The following GRIK2 variants were observed in gnomAD, a reference collection of about 807,000 sequenced individuals.
The protein encoded by GRIK2 is glutamate receptor ionotropic, kainate 2.
A neutral mutation model predicts 100.3 loss-of-function variants in GRIK2; 32 were observed. The ratio of observed to expected loss-of-function variants is 0.32; its 90% confidence interval spans 0.24 to 0.43. The LOEUF (loss-of-function observed/expected upper bound fraction) is 0.43, where lower values mean the gene tolerates loss of function less well. Among genes scored for constraint, GRIK2 ranks in the 20% least tolerant of loss-of-function variants. The pLI is 1.00. For synonymous variants in GRIK2, 417 were observed against 389.4 expected (o/e 1.07, Z -0.83); for missense variants, 843 against 1,114.9 (o/e 0.76, Z 3.47).
At chr6:101,696,687 T>A (rs1772509315) in intron 7 of GRIK2, among the ~76,000 whole-genome samples, 1 of 151,832 alleles carries the variant, frequency 6.6e-6, no homozygotes. Context: ...CCTTATTAAC[T>A]CAAGACATCA....
chr6:101,957,715 G>A (rs571000070), intron 14 of GRIK2, among the ~76,000 whole-genome samples: 2 of 152,120 alleles, frequency 1.3e-5, no homozygotes, highest in East Asian at 3.9e-4. Flanking sequence ...TATGGTGAGA[G>A]ATATGGATCT....
chr6:101,452,959 A>C (rs1770792485), intron 2 of GRIK2, among the ~76,000 whole-genome samples: 1 of 151,830 alleles, frequency 6.6e-6, no homozygotes, highest in African/African-American at 2.4e-5. Flanking sequence ...TTTTTCAGTA[A>C]CTTTGCATCT....
intron 14 of GRIK2, 147 bp downstream of exon 14, chr6:101,928,779 C>A (rs1188717090): frequency 4.9e-6 from 3 of 608,546 alleles, no homozygotes; most frequent in Non-Finnish European, 8.8e-6. Context: ...GAGAGGTGTA[C>A]AACTGAACGT....
At chr6:101,537,536 T>G (rs1348174582) in intron 2 of GRIK2, among the ~76,000 whole-genome samples, 1 of 151,390 alleles carries the variant, frequency 6.6e-6, no homozygotes, top group Non-Finnish European at 1.5e-5. Flanking sequence ...CAATGGCTTT[T>G]TTAAGTTATT....
At position 101,924,531 on chromosome 6, in the gene GRIK2, C is replaced by T. The variant is rs930235562; in HGVS notation, c.1749-70C>T. 1.7e-5 allele frequency: 14 copies of T among 814,472 alleles called. No individual in the cohort carries two copies. In the South Asian group the frequency reaches 1.9e-4, roughly 11 times the overall value. 50.5% of individuals were successfully genotyped at this position (814,472 alleles called of 1,614,324 possible). A position where few individuals can be genotyped will look rare whatever the true frequency, so the allele number is the denominator to read the frequency against. On this transcript the variant is annotated intron_variant, in intron 12 of 16. Transcript: ENST00000369134. ...ATCTGTCTTTTTGTTTCTTTTGCAG[C>T]AAAAAATGCTGGATAGAATTTCTTC...
At chr6:101,822,966 A>G (rs1172117921) in intron 10 of GRIK2, among the ~76,000 whole-genome samples, 2 of 152,146 alleles carry the variant, frequency 1.3e-5, no homozygotes. Flanking sequence ...TTATTTACCT[A>G]AAGCAATGTT....
intron 2 of GRIK2, among the ~76,000 whole-genome samples, chr6:101,427,980 G>A (rs1460720500): frequency 6.6e-6 from 1 of 152,190 alleles, no homozygotes; most frequent in Non-Finnish European, 1.5e-5. Flanking sequence ...ACCTTCAGAT[G>A]TATGTACTCG....
intron 12 of GRIK2, among the ~76,000 whole-genome samples, chr6:101,910,259 A>C (rs2791765): frequency 0.85 from 128,100 of 150,918 alleles, 54,498 homozygotes; most frequent in East Asian, 0.94. Flanking sequence ...TATTATCTGC[A>C]AGTTAAAATA....
chr6:102,021,845 G>C (rs541831150), intron 14 of GRIK2, among the ~76,000 whole-genome samples: 1 of 150,654 alleles, frequency 6.6e-6, no homozygotes, highest in Non-Finnish European at 1.5e-5. Context: ...AATGAATTTT[G>C]AATTTTAAAA....
At chr6:101,919,615 A>G (rs61664424) in intron 12 of GRIK2, among the ~76,000 whole-genome samples, 1 of 151,970 alleles carries the variant, frequency 6.6e-6, no homozygotes, top group African/African-American at 2.4e-5. Flanking sequence ...TGTAATCATC[A>G]GTATAGAAGT....
intron 7 of GRIK2, among the ~76,000 whole-genome samples, chr6:101,749,008 C>T (rs1217448087): frequency 6.6e-6 from 1 of 151,706 alleles, no homozygotes; most frequent in Non-Finnish European, 1.5e-5. Context: ...TGAATTAGGG[C>T]AAAGAAAAGG....
chr6:101,595,700 G>A (rs9404121), intron 2 of GRIK2, among the ~76,000 whole-genome samples: 76 of 48,804 alleles, frequency 1.6e-3, no homozygotes, highest in Admixed American at 2.0e-3. Context: ...ATATATATAT[G>A]TGTGTGTGTG....
At chr6:101,526,012 A>G (rs1455396450) in intron 2 of GRIK2, among the ~76,000 whole-genome samples, 1 of 152,182 alleles carries the variant, frequency 6.6e-6, no homozygotes, top group Non-Finnish European at 1.5e-5. Flanking sequence ...GATCATAGAG[A>G]TCAGCGTGGA....
intron 2 of GRIK2, among the ~76,000 whole-genome samples, chr6:101,408,736 C>A (rs1307842764): frequency 6.6e-6 from 1 of 152,038 alleles, no homozygotes; most frequent in African/African-American, 2.4e-5. Flanking sequence ...TTTGCTCCAT[C>A]TACTATTTTA....
intron 7 of GRIK2, among the ~76,000 whole-genome samples, chr6:101,730,157 G>GATGT (rs1398359206): frequency 6.6e-6 from 1 of 151,872 alleles, no homozygotes; most frequent in Non-Finnish European, 1.5e-5. Flanking sequence ...TAGATATGTT[G>GATGT]ATGTACTTTA....
chr6:101,941,361 A>C (rs945293608), intron 14 of GRIK2, among the ~76,000 whole-genome samples: 22 of 152,148 alleles, frequency 1.4e-4, no homozygotes, highest in Admixed American at 8.5e-4. Context: ...CTGGTTTCAC[A>C]ATGAATGAAC....
At chr6:101,826,270 G>A (rs1371436903) in intron 10 of GRIK2, among the ~76,000 whole-genome samples, 2 of 152,008 alleles carry the variant, frequency 1.3e-5, no homozygotes, top group African/African-American at 4.8e-5. Context: ...TGCTTTGAGA[G>A]GCACTGTACT....
At chr6:101,570,318 T>C (rs1041079199) in intron 2 of GRIK2, among the ~76,000 whole-genome samples, 2 of 152,120 alleles carry the variant, frequency 1.3e-5, no homozygotes, top group African/African-American at 4.8e-5. Context: ...CCTTCTGGCA[T>C]TTAATAAATG....
At chr6:101,426,444 T>C (rs1289100169) in intron 2 of GRIK2, among the ~76,000 whole-genome samples, 2 of 152,180 alleles carry the variant, frequency 1.3e-5, no homozygotes, top group East Asian at 3.9e-4. Flanking sequence ...ACTGTATTTT[T>C]GTATCAATTA....
Sources: gnomAD v4.1 joint callset for allele counts (sites outside exome capture counted in the v4.1 genomes callset) on GRCh38, gnomAD v4.1.1 for gene constraint, MANE v1.5 for transcripts, NCBI Gene and HGNC (gene_info 2026-07-23, HGNC 2026-07-21) for gene names.